DOCK6: variants seen among roughly 807,000 people sequenced by gnomAD.
DOCK6 encodes dedicator of cytokinesis protein 6.
A neutral mutation model predicts 230.3 loss-of-function variants in DOCK6; 167 were observed. The ratio of observed to expected loss-of-function variants is 0.73; its 90% CI spans 0.64 to 0.82. DOCK6 has a LOEUF of 0.82. Ranked by LOEUF, DOCK6 falls within the 40% of genes least tolerant of loss-of-function variation. The probability of loss-of-function intolerance (pLI) is 0.00; values close to 1 mark genes in which losing one functional copy is unlikely to be tolerated. For synonymous variants in DOCK6, 1,148 were observed against 1,185.0 expected (o/e 0.97, Z 0.64); for missense variants, 2,598 against 2,825.8 (o/e 0.92, Z 1.83).
At chr19:11,216,080 CA>C (rs971307645) in intron 30 of DOCK6, 153 bp from the exon 31 acceptor site, 1,246 of 865,372 alleles carry the variant, frequency 1.4e-3, no homozygotes, top group Middle Eastern at 1.6e-3. Flanking sequence ...TAGCACTTAC[CA>C]AAAAAAAAAT....
Position 11,236,862 on chromosome 19 carries a change from C to A in DOCK6, c.2091G>T (p.Met697Ile). The A allele has an allele frequency of 1.9e-6, 3 of 1,554,232 alleles. No homozygotes were observed. Among genetic ancestry groups the A allele is most frequent in the South Asian group, 1.2e-5 (1 of 84,174 alleles). Residue 697 changes from methionine (M) to isoleucine (I), a missense_variant, in exon 19 of 48, where the codon ATG becomes ATT. Coordinates refer to ENST00000294618, the MANE Select transcript of DOCK6 (RefSeq NM_020812.4). This position sits in a 1 kb window ranked among gnomAD's most constrained non-coding sequence, Gnocchi z 5.2. ...VLTPDVALPG[M>I]RWVDGHKGVF... is the part of the protein sequence containing the mutation. ...CGCCCTTGTGACCGTCCACCCAGCG[C>A]ATGCCCGGAAGCGCCACCTGTGGGA...
At chr19:11,226,668 A>AT (rs1568238000) in intron 24 of DOCK6, among the ~76,000 whole-genome samples, 1 of 152,208 alleles carries the variant, frequency 6.6e-6, no homozygotes, top group Non-Finnish European at 1.5e-5. Context: ...CAGAAAAAAA[A>AT]CAACAACAAA....
intron 39 of DOCK6, among the ~76,000 whole-genome samples, chr19:11,206,705 G>A (rs1249241845): frequency 6.6e-6 from 1 of 152,106 alleles, no homozygotes; most frequent in Non-Finnish European, 1.5e-5. Flanking sequence ...AATATAGAGT[G>A]CAATGAAATA....
At chr19:11,242,020 C>T in intron 14 of DOCK6, 25 bp downstream of exon 14, 1 of 1,556,648 alleles carries the variant, frequency 6.4e-7, no homozygotes, top group Non-Finnish European at 8.6e-7. Flanking sequence ...CATTCAAGTG[C>T]CCAGCTGGGC....
At chr19:11,248,901 A>C (rs1345547475) in intron 6 of DOCK6, among the ~76,000 whole-genome samples, 1 of 152,220 alleles carries the variant, frequency 6.6e-6, no homozygotes, top group Non-Finnish European at 1.5e-5. Context: ...GGATGAACAT[A>C]AGCATATACA....
chr19:11,206,612 C>T (rs1174530483), intron 39 of DOCK6, among the ~76,000 whole-genome samples: 1 of 151,836 alleles, frequency 6.6e-6, no homozygotes, highest in Non-Finnish European at 1.5e-5. Context: ...AGATCAGCGA[C>T]AGCCATTGTG....
At position 11,236,278 on chromosome 19, in the gene DOCK6, C is replaced by T; in HGVS notation, c.2392+68G>A. ...GAGGTAAATGGGCTTATAGAAGATCCCTCAGGACCTCAGGACTGAGAAGCC... is the reference window on the plus strand; with the variant it reads ...GAGGTAAATGGGCTTATAGAAGATCTCTCAGGACCTCAGGACTGAGAAGCC... On this transcript the variant is annotated intron_variant, in intron 20 of 47. Transcript: ENST00000294618. The surrounding 1 kb of genome is among the most constrained non-coding windows in gnomAD (Gnocchi z 5.2). The T allele has an allele frequency of 7.2e-7, 1 of 1,389,718 alleles. No homozygotes were observed. Among genetic ancestry groups the T allele is most frequent in the Non-Finnish European group, 9.8e-7 (1 of 1,021,744 alleles). The allele number at this position is 1,389,718 out of a possible 1,614,324, so 86.1% of individuals were successfully genotyped here. A position where few individuals can be genotyped will look rare whatever the true frequency, so the allele number is the denominator to read the frequency against.
In DOCK6 at chr19:11,241,238, C is replaced by CAA. The variant is rs59955877; in HGVS notation, c.1643+805_1643+806dup. On this transcript the variant is annotated intron_variant, in intron 14 of 47. Transcript: ENST00000294618. Reference sequence around the variant, plus strand: ...TCAGCCTGGGTGACAGAGAGAGACTCAAAAAAAAAAAAAAATCCATAGGAT... The same window carrying CAA: ...TCAGCCTGGGTGACAGAGAGAGACTCAAAAAAAAAAAAAAAAATCCATAGGAT... 2.6e-4 allele frequency among the ~76,000 whole-genome samples: 32 copies of CAA among 121,166 alleles called. No homozygotes were observed. The East Asian group carries it at 3.8e-3, about 15-fold the overall frequency. 79.5% of individuals were successfully genotyped at this position (121,166 alleles called of 152,430 possible).
chr19:11,241,743 C>G, intron 14 of DOCK6: 1 of 1,556,328 alleles, frequency 6.4e-7, no homozygotes. Context: ...TTCCACGCCC[C>G]GTGAGGCCCC....
intron 14 of DOCK6, chr19:11,239,996 G>C: frequency 6.4e-7 from 1 of 1,550,778 alleles, no homozygotes; most frequent in Non-Finnish European, 8.7e-7. Context: ...TTCGTGTCTA[G>C]GGTAACCAAC....
At chr19:11,250,779 A>C in intron 6 of DOCK6, 95 bp downstream of exon 6, 1 of 1,217,744 alleles carries the variant, frequency 8.2e-7, no homozygotes, top group Non-Finnish European at 1.2e-6. Flanking sequence ...TGTATATAGT[A>C]GATGTCCATC....
At chr19:11,220,548 C>T (rs2079563579) in intron 28 of DOCK6, among the ~76,000 whole-genome samples, 1 of 152,152 alleles carries the variant, frequency 6.6e-6, no homozygotes, top group Admixed American at 6.6e-5. Flanking sequence ...ATTGCTTCAT[C>T]CCTATGGTTC....
At position 11,236,490 on chromosome 19, in the gene DOCK6, C is replaced by G. The variant is rs200608451; in HGVS notation, c.2248G>C (p.Glu750Gln). 1 of 1,601,708 alleles carries G rather than the reference C, an allele frequency of 6.2e-7. No individual in the cohort carries two copies. Among genetic ancestry groups the G allele is most frequent in the Admixed American group, 1.7e-5 (1 of 57,996 alleles). The change falls in exon 20 of 48, where the codon GAG becomes CAG. Residue 750 changes from glutamate to glutamine, a missense_variant. Physicochemically the swap from Glu to Gln is conservative, Grantham distance 29 (BLOSUM62 2). Transcript: ENST00000294618. This position sits in a 1 kb window ranked among gnomAD's most constrained non-coding sequence, Gnocchi z 5.2. ...CGCAGCTCCTGCTCCACGTTGCCCT[C>G]GCTCAGCACAGTGTCCTTGAGCCGG... ...PFRLKDTVLSEGNVEQELRAS... is the reference protein window; with the variant it reads ...PFRLKDTVLSQGNVEQELRAS...
chr19:11,201,181 G>A lies in DOCK6; in HGVS notation c.5689-129C>T, dbSNP rs2079163461. 4 of 1,224,268 alleles carry A rather than the reference G, an allele frequency of 3.3e-6. No individual in the cohort carries two copies. The South Asian group carries it at 4.2e-5, about 13-fold the overall frequency. The allele number at this position is 1,224,268 out of a possible 1,614,324, so 75.8% of individuals were successfully genotyped here. ...AGAACCCAGGCAATGAACAGAATCT[G>A]GGGGCCTTCCTGGGTCTGACTCTGG... On this transcript the variant is annotated intron_variant, in intron 44 of 47. Coordinates refer to ENST00000294618, the MANE Select transcript of DOCK6 (RefSeq NM_020812.4). This position sits in a 1 kb window ranked among gnomAD's most constrained non-coding sequence, Gnocchi z 4.3.
chr19:11,216,242 C>T (rs919176985), intron 30 of DOCK6: 3 of 218,512 alleles, frequency 1.4e-5, no homozygotes, highest in Non-Finnish European at 2.8e-5. Flanking sequence ...CATGTGCCAC[C>T]ATGCTCAGGT....
Position 11,238,304 on chromosome 19 carries a change from C to T in DOCK6, c.1644G>A (p.Arg548=), listed in dbSNP as rs1335346084. The change falls in exon 15 of 48, where the codon AGG becomes AGA. Residue 548 remains arginine (R), a splice_region_variant and synonymous_variant. Coordinates refer to ENST00000294618, the MANE Select transcript of DOCK6 (RefSeq NM_020812.4). ...TGTGCGGGTACACGTACAGCAGGTT[C>T]CTGTGGGGGGCAGGATGGGGGTGTC... ...REVYAPHTSY[R]NLLYVYPHSL... The T allele has an allele frequency of 6.2e-7, 1 of 1,602,908 alleles. No homozygotes were observed. The highest frequency in any genetic ancestry group is 8.5e-7 in the Non-Finnish European group (1 of 1,175,188).
Position 11,202,811 on chromosome 19 carries a change from C to G in DOCK6, c.5236-102G>C. 2 of 1,580,024 alleles carry G rather than the reference C, an allele frequency of 1.3e-6. No individual in the cohort carries two copies. The highest frequency in any genetic ancestry group is 8.6e-7 in the Non-Finnish European group (1 of 1,164,242). ...GAATATCAGGATGGGAGTGTGAGGACCCCGAGAACATCAGGGCATGGGCAC... is the reference window on the plus strand; with the variant it reads ...GAATATCAGGATGGGAGTGTGAGGAGCCCGAGAACATCAGGGCATGGGCAC... On this transcript the variant is annotated intron_variant, in intron 41 of 47. Coordinates refer to ENST00000294618, the MANE Select transcript of DOCK6 (RefSeq NM_020812.4). This position sits in a 1 kb window ranked among gnomAD's most constrained non-coding sequence, Gnocchi z 5.3.
At position 11,217,064 on chromosome 19, in the gene DOCK6, C is replaced by T. The variant is rs765012757; in HGVS notation, c.3744G>A (p.Glu1248=). 3.1e-6 allele frequency: 5 copies of T among 1,613,448 alleles called. No homozygotes were observed. Among genetic ancestry groups the T allele is most frequent in the Non-Finnish European group, 4.2e-6 (5 of 1,179,812 alleles). The change falls in exon 30 of 48, where the codon GAG becomes GAA. Residue 1248 remains glutamate, a synonymous_variant. Transcript: ENST00000294618. ...CACACGCCAGCAAGGTCCGGCTTGA[C>T]TCAGCAGAGAGGGCACAGCCTGCGC... is the stretch of plus-strand genomic sequence containing the variant. The part of the protein sequence containing the change: ...ASRAGCALSA[E]SSRTLLACVL...
chr19:11,202,156 C>T lies in DOCK6; in HGVS notation c.5452-31G>A. On this transcript the variant is annotated intron_variant, in intron 43 of 47. Transcript: ENST00000294618. The surrounding 1 kb of genome is among the most constrained non-coding windows in gnomAD (Gnocchi z 5.3). ...CGCAGGGTCAGGTGTGAGGATCCCA[C>T]AGCCCCAGCACGCACAGCCCAAGCC... 2 of 1,604,362 alleles carry T rather than the reference C, an allele frequency of 1.2e-6. No homozygotes were observed. The highest frequency in any genetic ancestry group is 2.2e-5 in the South Asian group (2 of 90,662).
Sources: allele counts gnomAD v4.1 joint callset (sites outside exome capture counted in the v4.1 genomes callset), GRCh38; gene constraint gnomAD v4.1.1; non-coding constraint Gnocchi (gnomAD v3.1); transcripts MANE v1.5; gene names NCBI Gene and HGNC (gene_info 2026-07-23, HGNC 2026-07-21).